Variants in ULK4 observed in about 807,000 individuals in gnomAD.
ULK4 encodes unc-51 like kinase 4.
Under a neutral mutation model 160.6 loss-of-function variants are expected in ULK4, and 133 were observed. That is an observed-to-expected ratio of 0.83 (90% CI 0.72 to 0.96). The LOEUF is 0.96. Ranked by LOEUF, ULK4 falls within the 40% of genes least tolerant of loss-of-function variation. ULK4 has a pLI of 0.00. For missense variants in ULK4, 1,580 were observed against 1,499.5 expected (o/e 1.05, Z -0.89); for synonymous variants, 534 against 539.8 (o/e 0.99, Z 0.15).
intron 35 of ULK4, among the ~76,000 whole-genome samples, chr3:41,283,320 T>G (rs893261455): frequency 1.3e-5 from 2 of 152,208 alleles, no homozygotes; most frequent in African/African-American, 4.8e-5. Context: ...GGAGTATACA[T>G]CATGCTACTG....
chr3:41,729,563 C>T (rs778629639), intron 22 of ULK4, among the ~76,000 whole-genome samples: 2 of 152,226 alleles, frequency 1.3e-5, no homozygotes, highest in African/African-American at 4.8e-5. Flanking sequence ...CCCCTTGGAG[C>T]AAATAGGCCT....
chr3:41,300,514 C>T (rs1467859325), intron 35 of ULK4, among the ~76,000 whole-genome samples: 1 of 152,036 alleles, frequency 6.6e-6, no homozygotes, highest in East Asian at 1.9e-4. Context: ...CGTAAGTTTT[C>T]ACTGGTTTCT....
chr3:41,649,349 C>T (rs999103213), intron 30 of ULK4, among the ~76,000 whole-genome samples: 1 of 152,064 alleles, frequency 6.6e-6, no homozygotes, highest in Non-Finnish European at 1.5e-5. Context: ...AGGAGCCCCA[C>T]CCCCTACTGA....
Position 41,642,876 on chromosome 3 carries a change from C to T in ULK4, c.3071+20731G>A, listed in dbSNP as rs1051653684. On this transcript the variant is annotated intron_variant, in intron 30 of 36. Coordinates refer to ENST00000301831, the MANE Select transcript of ULK4 (RefSeq NM_017886.4). Reference sequence around the variant, plus strand: ...GTTGTTTTCCTCACTTTTTAATGATCGCCATTCTAACTGGTGTGAGATGGT... The same window carrying T: ...GTTGTTTTCCTCACTTTTTAATGATTGCCATTCTAACTGGTGTGAGATGGT... Among the ~76,000 whole-genome samples the T allele has an allele frequency of 1.9e-4, 29 of 152,242 alleles. No individual in the cohort carries two copies. In the East Asian group the frequency reaches 2.3e-3, roughly 12 times the overall value.
chr3:41,626,129 A>G (rs762979809), intron 30 of ULK4, among the ~76,000 whole-genome samples: 1 of 152,178 alleles, frequency 6.6e-6, no homozygotes, highest in African/African-American at 2.4e-5. Flanking sequence ...ACCATTTTGT[A>G]TATCTGTGGT....
intron 32 of ULK4, among the ~76,000 whole-genome samples, chr3:41,533,909 G>T (rs992533495): frequency 2.0e-5 from 3 of 152,162 alleles, no homozygotes; most frequent in Non-Finnish European, 1.5e-5. Flanking sequence ...CTGGGTTCAC[G>T]CCATTCTCCT....
At chr3:41,669,402 G>A (rs1433877856) in intron 29 of ULK4, among the ~76,000 whole-genome samples, 2 of 151,890 alleles carry the variant, frequency 1.3e-5, no homozygotes, top group Admixed American at 1.3e-4. Context: ...AAGTAGCTGA[G>A]ACCATAGGCT....
intron 35 of ULK4, among the ~76,000 whole-genome samples, chr3:41,359,096 G>A (rs1038543280): frequency 6.6e-6 from 1 of 152,174 alleles, no homozygotes; most frequent in African/African-American, 2.4e-5. Flanking sequence ...TCACCCTACT[G>A]AAGAAGCAGG....
At chr3:41,389,671 T>C (rs1177222711) in intron 35 of ULK4, among the ~76,000 whole-genome samples, 3 of 152,124 alleles carry the variant, frequency 2.0e-5, no homozygotes, top group Non-Finnish European at 4.4e-5. Context: ...TGCTGGATTA[T>C]GTTTATTGAT....
intron 32 of ULK4, among the ~76,000 whole-genome samples, chr3:41,506,767 A>AAAAAAAAAAAAATATATATATAAAT: frequency 0.046 from 2,610 of 56,734 alleles, 437 homozygotes; most frequent in African/African-American, 0.052. Flanking sequence ...TGTGATTTAA[A>AAAAAAAAAAAAATATATATATAAAT]ATATATATAT....
intron 29 of ULK4, among the ~76,000 whole-genome samples, chr3:41,666,595 C>T (rs914190455): frequency 2.0e-5 from 3 of 152,112 alleles, no homozygotes; most frequent in Admixed American, 2.0e-4. Flanking sequence ...TCTGATGAGT[C>T]CTTCGTGTAC....
chr3:41,949,224 G>A lies in ULK4; in HGVS notation c.138+5398C>T, dbSNP rs185291078. 5.6e-3 allele frequency among the ~76,000 whole-genome samples: 844 copies of A among 151,894 alleles called. 13 individuals are homozygous for A. Among genetic ancestry groups the A allele is most frequent in the African/African-American group, 0.019 (784 of 41,436 alleles). ...CTCGGGAGGCTGAGGCAGGAGAATCGTTTGAACCTGGGAGGCAAAGGTTGC... is the reference window on the plus strand; with the variant it reads ...CTCGGGAGGCTGAGGCAGGAGAATCATTTGAACCTGGGAGGCAAAGGTTGC... On this transcript the variant is annotated intron_variant, in intron 2 of 36. Coordinates refer to ENST00000301831, the MANE Select transcript of ULK4 (RefSeq NM_017886.4).
At chr3:41,626,023 C>T (rs2033489485) in intron 30 of ULK4, among the ~76,000 whole-genome samples, 1 of 152,016 alleles carries the variant, frequency 6.6e-6, no homozygotes, top group Non-Finnish European at 1.5e-5. Context: ...ACCACTTTAC[C>T]CTGGGGTTGG....
At chr3:41,888,072 G>A (rs1426873048) in intron 16 of ULK4, among the ~76,000 whole-genome samples, 4 of 151,636 alleles carry the variant, frequency 2.6e-5, no homozygotes, top group East Asian at 1.9e-4. Flanking sequence ...TTCCAGCCTC[G>A]GGGACACAGT....
chr3:41,790,596 A>G (rs1177944314), intron 20 of ULK4, among the ~76,000 whole-genome samples: 1 of 152,224 alleles, frequency 6.6e-6, no homozygotes, highest in Non-Finnish European at 1.5e-5. Context: ...AATAGGTGAA[A>G]AAGTGAGTTA....
At chr3:41,600,088 C>T (rs13065130) in intron 31 of ULK4, among the ~76,000 whole-genome samples, 1 of 152,000 alleles carries the variant, frequency 6.6e-6, no homozygotes, top group Non-Finnish European at 1.5e-5. Context: ...AATAGCTTTC[C>T]AAGGCTCATC....
At chr3:41,578,237 T>A (rs1196674265) in intron 31 of ULK4, among the ~76,000 whole-genome samples, 2 of 152,222 alleles carry the variant, frequency 1.3e-5, no homozygotes, top group Admixed American at 1.3e-4. Flanking sequence ...TGCAAGCATG[T>A]ATGTTTATGA....
rs759726917 is a variant in ULK4 at position 41,935,899 on chromosome 3, G to T, written c.280C>A (p.Pro94Thr). 6.2e-7 allele frequency: 1 copy of T among 1,613,742 alleles called. No homozygotes were observed. Among genetic ancestry groups the T allele is most frequent in the African/African-American group, 1.3e-5 (1 of 74,886 alleles). The change falls in exon 4 of 37, where the codon CCA becomes ACA. Residue 94 changes from proline (P) to threonine (T), a missense_variant. Coordinates refer to ENST00000301831, the MANE Select transcript of ULK4 (RefSeq NM_017886.4). ...KTVIAQDENL[P>T]EDVVREFGID... ...CCAAATTCTCTCACAACATCTTCTGGGAGGTTTTCATCTTGAGCAATAACT... is the reference window on the plus strand; with the variant it reads ...CCAAATTCTCTCACAACATCTTCTGTGAGGTTTTCATCTTGAGCAATAACT...
At chr3:41,920,013 TAA>T (rs1699130930) in intron 5 of ULK4, among the ~76,000 whole-genome samples, 195 bp from the exon 6 acceptor site, 1 of 152,118 alleles carries the variant, frequency 6.6e-6, no homozygotes, top group African/African-American at 2.4e-5. Flanking sequence ...TGTGTGAATA[TAA>T]AAAAGTGTTT....
Sources: allele counts gnomAD v4.1 joint callset (sites outside exome capture counted in the v4.1 genomes callset), GRCh38; gene constraint gnomAD v4.1.1; transcripts MANE v1.5; gene names NCBI Gene and HGNC (gene_info 2026-07-23, HGNC 2026-07-21).